AGAP1: variants seen among roughly 807,000 people sequenced by gnomAD.
The protein encoded by AGAP1 is arf-GAP with GTPase, ANK repeat and PH domain-containing protein 1.
A neutral mutation model predicts 105.3 loss-of-function variants in AGAP1; 29 were observed. The observed-to-expected ratio is 0.28, with a 90% CI of 0.21 to 0.38. The LOEUF (loss-of-function observed/expected upper bound fraction) is 0.38. Among genes scored for constraint, AGAP1 ranks in the 10% least tolerant of loss-of-function variants. AGAP1 has a pLI of 1.00. For missense variants in AGAP1, 998 were observed against 1,165.1 expected, an observed-to-expected ratio of 0.86 and a Z score of 2.09; for synonymous variants, 509 against 485.9, an observed-to-expected ratio of 1.05 and a Z score of -0.63.
rs371106283 is a variant in AGAP1 at position 235,962,342 on chromosome 2, G to A, written c.1484-6120G>A. Among the ~76,000 whole-genome samples the A allele has an allele frequency of 1.4e-4, 22 of 152,274 alleles. No homozygotes were observed. In the East Asian group the frequency reaches 3.3e-3, roughly 23 times the overall value. ...AGGTGGAGGGCTGGAAGTCAGTGAA[G>A]TTGGGGCTTCCTACTCAGGAGAGAT... On this transcript the variant is annotated intron_variant, in intron 12 of 17. Coordinates refer to ENST00000304032, the MANE Select transcript of AGAP1 (RefSeq NM_001037131.3). The surrounding 1 kb of genome is among the most constrained non-coding windows in gnomAD (Gnocchi z 5.3).
At chr2:236,013,414 AAT>A (rs2125570418) in intron 13 of AGAP1, among the ~76,000 whole-genome samples, 1 of 152,252 alleles carries the variant, frequency 6.6e-6, no homozygotes, top group Non-Finnish European at 1.5e-5. Context: ...CGAAATGGAG[AAT>A]TTTGGCTCAA....
At chr2:236,016,932 GTTTAT>G (rs1029011693) in intron 13 of AGAP1, among the ~76,000 whole-genome samples, 6 of 152,050 alleles carry the variant, frequency 3.9e-5, no homozygotes, top group African/African-American at 1.2e-4. Flanking sequence ...TTTACTTTGG[GTTTAT>G]TTTAAGATTA....
intron 1 of AGAP1, among the ~76,000 whole-genome samples, chr2:235,531,776 T>G (rs1943054014): frequency 6.6e-6 from 1 of 151,918 alleles, no homozygotes; most frequent in Non-Finnish European, 1.5e-5. Context: ...GCCCAGCTAA[T>G]TTTTTTGTAT....
rs1478237310 is a variant in AGAP1 at position 235,865,549 on chromosome 2, G to A, written c.1051-17796G>A. ...GGAAAGGGGAGGGGGTCTTTGGGGA[G>A]CTGGTTAAAGATCCAGAATCGGCCC... On this transcript the variant is annotated intron_variant, in intron 9 of 17. Coordinates refer to ENST00000304032, the MANE Select transcript of AGAP1 (RefSeq NM_001037131.3). This position sits in a 1 kb window ranked among gnomAD's most constrained non-coding sequence, Gnocchi z 6.2. Among the ~76,000 whole-genome samples the A allele has an allele frequency of 2.0e-5, 3 of 152,202 alleles. No individual in the cohort carries two copies. Among genetic ancestry groups the A allele is most frequent in the Non-Finnish European group, 2.9e-5 (2 of 68,032 alleles).
At chr2:235,602,646 C>T (rs1372420437) in intron 1 of AGAP1, among the ~76,000 whole-genome samples, 1 of 152,226 alleles carries the variant, frequency 6.6e-6, no homozygotes, top group Non-Finnish European at 1.5e-5. Flanking sequence ...CCTCCACCTC[C>T]ACAGTTCCTC....
At chr2:235,848,164 G>A (rs939380696) in intron 9 of AGAP1, among the ~76,000 whole-genome samples, 4 of 152,088 alleles carry the variant, frequency 2.6e-5, no homozygotes, top group African/African-American at 2.4e-5. Flanking sequence ...TCATACAGCC[G>A]TCCCCACTCC....
chr2:236,038,826 T>C lies in AGAP1; in HGVS notation c.1801-1925T>C, dbSNP rs2057461128. ...AGAGGCACATCCCTTTGTATGTGTG[T>C]GTGTGTGTGTGTGTGTGTGTGTGAT... On this transcript the variant is annotated intron_variant, in intron 14 of 17. Coordinates refer to ENST00000304032, the MANE Select transcript of AGAP1 (RefSeq NM_001037131.3). This position sits in a 1 kb window ranked among gnomAD's most constrained non-coding sequence, Gnocchi z 4.5. Among the ~76,000 whole-genome samples the C allele has an allele frequency of 1.1e-5, 1 of 91,990 alleles. No homozygotes were observed. 60.3% of individuals were successfully genotyped at this position (91,990 alleles called of 152,430 possible).
chr2:235,844,570 A>C (rs1325213365), intron 9 of AGAP1, among the ~76,000 whole-genome samples: 1 of 152,164 alleles, frequency 6.6e-6, no homozygotes, highest in African/African-American at 2.4e-5. Flanking sequence ...TCTCTGCATT[A>C]AACCCACCCC....
intron 1 of AGAP1, among the ~76,000 whole-genome samples, chr2:235,503,684 C>G (rs892702911): frequency 1.4e-4 from 21 of 152,252 alleles, no homozygotes; most frequent in African/African-American, 5.1e-4. Context: ...TAGCCTCAAC[C>G]TCCCAGACTC....
intron 6 of AGAP1, among the ~76,000 whole-genome samples, chr2:235,755,183 A>G (rs867095902): frequency 2.6e-5 from 4 of 152,166 alleles, no homozygotes; most frequent in Non-Finnish European, 4.4e-5. Flanking sequence ...TCTCGTTCCT[A>G]GATTGCTTCA....
Position 235,509,261 on chromosome 2 carries a change from C to G in AGAP1, c.163+14412C>G, listed in dbSNP as rs529734215. Among the ~76,000 whole-genome samples the G allele has an allele frequency of 2.0e-5, 3 of 152,262 alleles. No individual in the cohort carries two copies. The East Asian group carries it at 5.8e-4, about 29-fold the overall frequency. ...TTTAAACTTGAGATGGAGTCTGGCT[C>G]TGTCACCCAGGCTGGAGTGCAGTGG... On this transcript the variant is annotated intron_variant, in intron 1 of 17. Transcript: ENST00000304032.
At position 235,719,966 on chromosome 2, in the gene AGAP1, C is replaced by T. The variant is rs553799001; in HGVS notation, c.310+2322C>T. Among the ~76,000 whole-genome samples, 20 of 152,254 alleles carry T rather than the reference C, an allele frequency of 1.3e-4. No homozygotes were observed. The highest frequency in any genetic ancestry group is 2.6e-4 in the African/African-American group (11 of 41,556). ...CTTCTCATGGCTGAGCCACCTTTCCCGTGTAGAACCAAGCAGGTGGCCACT... is the reference window on the plus strand; with the variant it reads ...CTTCTCATGGCTGAGCCACCTTTCCTGTGTAGAACCAAGCAGGTGGCCACT... On this transcript the variant is annotated intron_variant, in intron 3 of 17. Coordinates refer to ENST00000304032, the MANE Select transcript of AGAP1 (RefSeq NM_001037131.3). The surrounding 1 kb of genome is among the most constrained non-coding windows in gnomAD (Gnocchi z 4.9).
chr2:235,515,534 G>A (rs1942343520), intron 1 of AGAP1, among the ~76,000 whole-genome samples: 2 of 152,206 alleles, frequency 1.3e-5, no homozygotes, highest in South Asian at 2.1e-4. Context: ...GCCTCGAGCT[G>A]TTCTGTCAAC....
At chr2:235,529,751 G>T (rs1942979813) in intron 1 of AGAP1, among the ~76,000 whole-genome samples, 1 of 152,208 alleles carries the variant, frequency 6.6e-6, no homozygotes, top group Non-Finnish European at 1.5e-5. Context: ...GGAAGTAGTG[G>T]CTGGGCAGCC....
At chr2:235,821,877 T>C (rs1268637637) in intron 9 of AGAP1, among the ~76,000 whole-genome samples, 2 of 152,254 alleles carry the variant, frequency 1.3e-5, no homozygotes, top group Non-Finnish European at 2.9e-5. Context: ...ATTTTAGGAA[T>C]ATTGATCAGT....
chr2:235,848,384 C>T (rs1276720896), intron 9 of AGAP1, among the ~76,000 whole-genome samples: 2 of 152,214 alleles, frequency 1.3e-5, no homozygotes, highest in Non-Finnish European at 1.5e-5. Context: ...GAATAAGGAA[C>T]AAGGTCCTAC....
intron 9 of AGAP1, among the ~76,000 whole-genome samples, chr2:235,818,337 C>A (rs1036422848): frequency 1.3e-5 from 2 of 152,200 alleles, no homozygotes; most frequent in African/African-American, 4.8e-5. Flanking sequence ...AGTGGAAGAG[C>A]TGGGATTCAA....
At chr2:235,902,381 A>G (rs529082735) in intron 10 of AGAP1, among the ~76,000 whole-genome samples, 3 of 152,282 alleles carry the variant, frequency 2.0e-5, no homozygotes, top group South Asian at 4.1e-4. Flanking sequence ...AATCCATCCA[A>G]CTGACTTGCC....
intron 9 of AGAP1, among the ~76,000 whole-genome samples, chr2:235,859,032 A>G (rs370349624): frequency 1.2e-3 from 184 of 152,372 alleles, no homozygotes; most frequent in African/African-American, 4.2e-3. Context: ...CAGCCAATTT[A>G]GCACAGCATG....
Sources: gnomAD v4.1 joint callset for allele counts (sites outside exome capture counted in the v4.1 genomes callset) on GRCh38, gnomAD v4.1.1 for gene constraint, Gnocchi (gnomAD v3.1) non-coding constraint, MANE v1.5 for transcripts, NCBI Gene and HGNC (gene_info 2026-07-23, HGNC 2026-07-21) for gene names.